Variants in CDKAL1 observed in about 807,000 individuals in gnomAD.
CDKAL1 encodes the protein threonylcarbamoyladenosine tRNA methylthiotransferase.
In CDKAL1, 32 loss-of-function variants were observed where a neutral mutation model predicts 68.2. That is an observed-to-expected ratio of 0.47 (90% CI 0.35 to 0.63). The LOEUF (loss-of-function observed/expected upper bound fraction) is 0.63. Ranked by LOEUF, CDKAL1 falls within the 30% of genes least tolerant of loss-of-function variation. CDKAL1 has a pLI of 0.00. For missense variants in CDKAL1, 606 were observed against 696.7 expected, an observed-to-expected ratio of 0.87 and a Z score of 1.47; for synonymous variants, 234 against 244.3, an observed-to-expected ratio of 0.96 and a Z score of 0.39.
chr6:20,982,085 GAGAC>G (rs1258031885), intron 10 of CDKAL1, among the ~76,000 whole-genome samples: 2 of 112,060 alleles, frequency 1.8e-5, no homozygotes, highest in African/African-American at 3.4e-5. Context: ...ATTTATTTAT[GAGAC>G]AGAGTGTGTC....
intron 11 of CDKAL1, among the ~76,000 whole-genome samples, chr6:21,037,148 C>T (rs1049743194): frequency 6.6e-6 from 1 of 152,118 alleles, no homozygotes; most frequent in Non-Finnish European, 1.5e-5. Context: ...TAATCTAACA[C>T]TGTTTTGATG....
chr6:20,990,302 T>C (rs1050650420), intron 10 of CDKAL1, among the ~76,000 whole-genome samples: 14 of 152,122 alleles, frequency 9.2e-5, no homozygotes, highest in Admixed American at 8.5e-4. Flanking sequence ...AATAAATGTG[T>C]TTGTGTGTGT....
At chr6:20,840,208 A>G (rs775453835) in intron 8 of CDKAL1, among the ~76,000 whole-genome samples, 1 of 152,232 alleles carries the variant, frequency 6.6e-6, no homozygotes, top group Non-Finnish European at 1.5e-5. Flanking sequence ...AAATGAAACA[A>G]TTAATGTAAA....
At chr6:20,688,446 C>CT (rs753971005) in intron 5 of CDKAL1, among the ~76,000 whole-genome samples, 22 of 148,904 alleles carry the variant, frequency 1.5e-4, no homozygotes, top group Non-Finnish European at 1.5e-5. Flanking sequence ...TGTTTTTAGT[C>CT]TTTTTTCTTT....
intron 13 of CDKAL1, among the ~76,000 whole-genome samples, chr6:21,150,140 G>A (rs1776346846): frequency 6.6e-6 from 1 of 152,164 alleles, no homozygotes; most frequent in Non-Finnish European, 1.5e-5. Flanking sequence ...TTACAGGCGG[G>A]AGCCACCGCA....
intron 11 of CDKAL1, among the ~76,000 whole-genome samples, chr6:21,046,777 T>C (rs141957898): frequency 2.2e-4 from 34 of 152,320 alleles, no homozygotes; most frequent in Middle Eastern, 6.8e-3. Flanking sequence ...GCAGCCCCCA[T>C]AGATGCTGAC....
At chr6:20,838,239 TCTC>T (rs1400035458) in intron 8 of CDKAL1, among the ~76,000 whole-genome samples, 1 of 152,088 alleles carries the variant, frequency 6.6e-6, no homozygotes, top group Non-Finnish European at 1.5e-5. Flanking sequence ...GTAAATAAAA[TCTC>T]CTACTATGGT....
intron 13 of CDKAL1, among the ~76,000 whole-genome samples, chr6:21,154,167 ATGTTTTGCG>A (rs927869453): frequency 3.3e-5 from 5 of 150,874 alleles, no homozygotes; most frequent in African/African-American, 1.2e-4. Flanking sequence ...GGTTGGGAAA[ATGTTTTGCG>A]TGTAAGTACT....
intron 11 of CDKAL1, among the ~76,000 whole-genome samples, chr6:21,051,637 A>G (rs1278794902): frequency 6.6e-6 from 1 of 152,176 alleles, no homozygotes; most frequent in African/African-American, 2.4e-5. Flanking sequence ...AGAAAGTTAT[A>G]TTAAACAAGA....
intron 4 of CDKAL1, among the ~76,000 whole-genome samples, chr6:20,603,205 C>A (rs1053044655): frequency 6.6e-6 from 1 of 152,174 alleles, no homozygotes; most frequent in Admixed American, 6.5e-5. Flanking sequence ...GATAATGATT[C>A]TTCTTTTGAG....
In CDKAL1 at chr6:21,201,272, A is replaced by G; in HGVS notation, c.1546A>G (p.Lys516Glu). The change falls in exon 15 of 16, where the codon AAG (lysine) becomes GAG (glutamate). Residue 516 changes from lysine to glutamate, a missense_variant and splice_region_variant. Coordinates refer to ENST00000274695, the MANE Select transcript of CDKAL1 (RefSeq NM_017774.3). ...AAAGGGAGAAGTCTCGGGTTTGACAAAGGTAAGTAAAAGATGCTCTCCTCT... is the reference window on the plus strand; with the variant it reads ...AAAGGGAGAAGTCTCGGGTTTGACAGAGGTAAGTAAAAGATGCTCTCCTCT... ...LAKGEVSGLT[K>E]DFRNGLGNQL... is the part of the protein sequence containing the mutation. 6.2e-7 allele frequency: 1 copy of G among 1,603,692 alleles called. No individual in the cohort carries two copies. Among genetic ancestry groups the G allele is most frequent in the African/African-American group, 1.3e-5 (1 of 74,906 alleles).
chr6:21,018,221 C>A (rs1284253758), intron 11 of CDKAL1, among the ~76,000 whole-genome samples: 2 of 152,136 alleles, frequency 1.3e-5, no homozygotes, highest in East Asian at 3.8e-4. Flanking sequence ...ACTCATAGCA[C>A]TTCTTATTTA....
At chr6:20,545,225 T>C (rs1763551094) in intron 2 of CDKAL1, among the ~76,000 whole-genome samples, 1 of 152,090 alleles carries the variant, frequency 6.6e-6, no homozygotes, top group East Asian at 1.9e-4. Flanking sequence ...GTCTGCCTTA[T>C]GCTTGTTTTA....
intron 4 of CDKAL1, among the ~76,000 whole-genome samples, chr6:20,566,083 T>C (rs1025100442): frequency 6.6e-6 from 1 of 152,206 alleles, no homozygotes; most frequent in East Asian, 1.9e-4. Context: ...ACCCCATACA[T>C]ACCCTGGCTG....
intron 5 of CDKAL1, among the ~76,000 whole-genome samples, chr6:20,726,416 G>A (rs1002868986): frequency 1.3e-5 from 2 of 152,124 alleles, no homozygotes; most frequent in Non-Finnish European, 2.9e-5. Flanking sequence ...GTAACCAAGC[G>A]ACCTTGGGCA....
At chr6:20,942,366 CTT>C (rs70990083) in intron 9 of CDKAL1, among the ~76,000 whole-genome samples, 38,410 of 124,412 alleles carry the variant, frequency 0.31, 5,063 homozygotes, top group East Asian at 0.35. Context: ...TATATATATA[CTT>C]TTTTTTTTTT....
At chr6:21,100,338 G>A (rs1302001141) in intron 12 of CDKAL1, among the ~76,000 whole-genome samples, 1 of 152,174 alleles carries the variant, frequency 6.6e-6, no homozygotes, top group African/African-American at 2.4e-5. Context: ...CACTCTTAGA[G>A]AAGTCTGCTG....
At chr6:21,193,897 C>T (rs1778360603) in intron 13 of CDKAL1, among the ~76,000 whole-genome samples, 1 of 152,164 alleles carries the variant, frequency 6.6e-6, no homozygotes, top group Non-Finnish European at 1.5e-5. Context: ...GTTGCTATAA[C>T]AAAATACCCA....
chr6:20,746,405 C>G (rs1242936012), intron 6 of CDKAL1, among the ~76,000 whole-genome samples: 1 of 152,182 alleles, frequency 6.6e-6, no homozygotes, highest in East Asian at 1.9e-4. Context: ...CACATAACAT[C>G]AAATGCTGTT....
Sources: gnomAD v4.1 joint callset for allele counts (sites outside exome capture counted in the v4.1 genomes callset) on GRCh38, gnomAD v4.1.1 for gene constraint, MANE v1.5 for transcripts, NCBI Gene and HGNC (gene_info 2026-07-23, HGNC 2026-07-21) for gene names.